The following ZNF143 variants were observed in gnomAD, a reference collection of about 807,000 sequenced individuals.
ZNF143 encodes the protein zinc finger protein 143, also known as SPH-binding factor.
In ZNF143, 49 loss-of-function variants were observed where a neutral mutation model predicts 74.1. That is an observed-to-expected ratio of 0.66 (90% CI 0.53 to 0.84). The LOEUF (loss-of-function observed/expected upper bound fraction) is 0.84, where lower values mean the gene tolerates loss of function less well. Ranked by LOEUF, ZNF143 falls within the 40% of genes least tolerant of loss-of-function variation. ZNF143 has a pLI of 0.00. For synonymous variants in ZNF143, 304 were observed against 282.8 expected (o/e 1.07, Z -0.75); for missense variants, 637 against 793.4 (o/e 0.80, Z 2.37).
chr11:9,474,176 A>T (rs1310062883), intron 4 of ZNF143, 152 bp downstream of exon 4: 1 of 677,280 alleles, frequency 1.5e-6, no homozygotes, highest in African/African-American at 1.8e-5. Context: ...AGTGGATCTT[A>T]ACCAAGACTT....
intron 1 of ZNF143, among the ~76,000 whole-genome samples, chr11:9,465,474 G>A (rs1401390863): frequency 1.3e-5 from 2 of 151,494 alleles, no homozygotes; most frequent in South Asian, 2.1e-4. Flanking sequence ...GCAAGCCACC[G>A]TGCCTGGCTG....
intron 1 of ZNF143, among the ~76,000 whole-genome samples, chr11:9,463,054 A>T (rs1855968301): frequency 6.6e-6 from 1 of 152,192 alleles, no homozygotes; most frequent in Non-Finnish European, 1.5e-5. Flanking sequence ...ATTTCACATA[A>T]ATGGAATCAC....
At chr11:9,486,376 ATTAT>A (rs1167141585) in intron 7 of ZNF143, among the ~76,000 whole-genome samples, 2 of 39,000 alleles carry the variant, frequency 5.1e-5, no homozygotes, top group African/African-American at 1.1e-4. Flanking sequence ...TATATAATAT[ATTAT>A]ATATATAATA....
chr11:9,464,446 C>A lies in ZNF143; in HGVS notation c.-8+3370C>A, dbSNP rs1856067319. Reference sequence around the variant, plus strand: ...TGAAACCCTGTCTCTACTAAAAATACAAAAATTAGCCAGGTGGGGTGGCCC... The same window carrying A: ...TGAAACCCTGTCTCTACTAAAAATAAAAAAATTAGCCAGGTGGGGTGGCCC... On this transcript the variant is annotated intron_variant, in intron 1 of 15. Coordinates refer to ENST00000396602, the MANE Select transcript of ZNF143 (RefSeq NM_003442.6). Among the ~76,000 whole-genome samples, 3 of 151,996 alleles carry A rather than the reference C, an allele frequency of 2.0e-5. No homozygotes were observed. The South Asian group carries it at 6.2e-4, about 32-fold the overall frequency.
intron 12 of ZNF143, among the ~76,000 whole-genome samples, chr11:9,509,493 T>C (rs1426927104): frequency 6.6e-6 from 1 of 152,170 alleles, no homozygotes; most frequent in Non-Finnish European, 1.5e-5. Context: ...TAAGCATAGG[T>C]AAGTAGGTAA....
chr11:9,494,512 T>C (rs1847891245), intron 7 of ZNF143, 134 bp from the exon 8 acceptor site: 3 of 774,946 alleles, frequency 3.9e-6, no homozygotes, highest in Non-Finnish European at 6.1e-6. Flanking sequence ...GGTTTTGTCA[T>C]GTTGCCCAGG....
intron 14 of ZNF143, among the ~76,000 whole-genome samples, chr11:9,518,856 A>G (rs950329228): frequency 2.0e-5 from 3 of 152,218 alleles, no homozygotes; most frequent in South Asian, 4.1e-4. Flanking sequence ...TTATGGATCT[A>G]AAAGCTTTCT....
chr11:9,523,624 C>T (rs1849018742), intron 14 of ZNF143, among the ~76,000 whole-genome samples: 1 of 152,034 alleles, frequency 6.6e-6, no homozygotes, highest in African/African-American at 2.4e-5. Context: ...GTCCCAGCTA[C>T]TCGGGAGGCT....
chr11:9,478,652 GAAAAC>G, intron 6 of ZNF143, 66 bp downstream of exon 6: 1 of 1,541,864 alleles, frequency 6.5e-7, no homozygotes, highest in Non-Finnish European at 8.8e-7. Flanking sequence ...GAAAAGAAAA[GAAAAC>G]AAAAAAGTAC....
chr11:9,473,188 C>G (rs376210321), intron 3 of ZNF143, among the ~76,000 whole-genome samples: 1 of 151,814 alleles, frequency 6.6e-6, no homozygotes, highest in Non-Finnish European at 1.5e-5. Flanking sequence ...GTCGGGAGTT[C>G]GAGACCAGCC....
chr11:9,462,558 G>GA lies in ZNF143; in HGVS notation c.-8+1494dup, dbSNP rs34230499. Among the ~76,000 whole-genome samples the GA allele has an allele frequency of 5.4e-4, 79 of 145,456 alleles. No homozygotes were observed. In the Middle Eastern group the frequency reaches 0.011, roughly 19 times the overall value. ...CGTCTGGGTGACAGAGACCGGTCTC[G>GA]AAAAAAAAAAAAGTGATAATTAGTT... On this transcript the variant is annotated intron_variant, in intron 1 of 15. Transcript: ENST00000396602.
chr11:9,525,501 T>G, intron 15 of ZNF143, 115 bp downstream of exon 15: 467 of 1,332,018 alleles, frequency 3.5e-4, no homozygotes, highest in Non-Finnish European at 4.6e-4. Flanking sequence ...GAATAATCTC[T>G]ATCACCTAGC....
intron 1 of ZNF143, among the ~76,000 whole-genome samples, chr11:9,470,735 G>GC (rs1183193456): frequency 1.3e-5 from 2 of 152,166 alleles, no homozygotes; most frequent in Admixed American, 1.3e-4. Context: ...AAGGTTTTGA[G>GC]CAGAAGCGGG....
intron 7 of ZNF143, among the ~76,000 whole-genome samples, chr11:9,484,045 G>C (rs770369022): frequency 3.3e-5 from 5 of 151,556 alleles, no homozygotes; most frequent in Non-Finnish European, 7.4e-5. Context: ...ACCACACCCA[G>C]CTCAGTAAAT....
chr11:9,471,902 T>TTTTTTC (rs1171698880), intron 2 of ZNF143, among the ~76,000 whole-genome samples: 1 of 149,730 alleles, frequency 6.7e-6, no homozygotes, highest in Non-Finnish European at 1.5e-5. Flanking sequence ...AGGGAATTTT[T>TTTTTTC]TTTTTCTTTT....
At chr11:9,472,540 C>G in intron 2 of ZNF143, 137 bp from the exon 3 acceptor site, 1 of 729,110 alleles carries the variant, frequency 1.4e-6, no homozygotes, top group East Asian at 2.8e-5. Flanking sequence ...GCGTGAGCCA[C>G]TGCACCCGGC....
intron 13 of ZNF143, among the ~76,000 whole-genome samples, chr11:9,513,447 T>C (rs987274551): frequency 6.6e-6 from 1 of 152,214 alleles, no homozygotes; most frequent in African/African-American, 2.4e-5. Context: ...GCATCAGCCT[T>C]AACACTTTTT....
At position 9,494,639 on chromosome 11, in the gene ZNF143, T is replaced by C. The variant is rs12293264; in HGVS notation, c.646-7T>C. On this transcript the variant is annotated splice_polypyrimidine_tract_variant and splice_region_variant and intron_variant, in intron 7 of 15. Transcript: ENST00000396602. ...GTAATTTAAGTAATACTATTTGTTT[T>C]ATTTAGATTGTTTTACAAGGACATG... 0.069 allele frequency: 111,380 copies of C among 1,612,122 alleles called. 4,414 individuals carry two copies. The highest frequency in any genetic ancestry group is 0.08 in the South Asian group (7,258 of 90,850).
In ZNF143 at chr11:9,471,165, A is replaced by G. The variant is rs940677230; in HGVS notation, c.-7-137A>G. On this transcript the variant is annotated intron_variant, in intron 1 of 15. Coordinates refer to ENST00000396602, the MANE Select transcript of ZNF143 (RefSeq NM_003442.6). ...GACTTTGGGCTAATACTCTTACCCTACATATTGAGTGAAATTTCATCTTAT... is the reference window on the plus strand; with the variant it reads ...GACTTTGGGCTAATACTCTTACCCTGCATATTGAGTGAAATTTCATCTTAT... 9.0e-6 allele frequency: 6 copies of G among 667,006 alleles called. No individual in the cohort carries two copies. The African/African-American group carries it at 9.2e-5, about 10-fold the overall frequency. The allele number at this position is 667,006 out of a possible 1,614,324, so 41.3% of individuals were successfully genotyped here.
Sources: allele counts gnomAD v4.1 joint callset (sites outside exome capture counted in the v4.1 genomes callset), GRCh38; gene constraint gnomAD v4.1.1; transcripts MANE v1.5; gene names NCBI Gene and HGNC (gene_info 2026-07-23, HGNC 2026-07-21).